ARHGAP44: variants seen among roughly 807,000 people sequenced by gnomAD.
The protein encoded by ARHGAP44 is Rho GTPase activating protein 44.
A neutral mutation model predicts 106.8 loss-of-function variants in ARHGAP44; 43 were observed. The ratio of observed to expected loss-of-function variants is 0.40; its 90% CI spans 0.32 to 0.52. ARHGAP44 has a LOEUF of 0.52. Among genes scored for constraint, ARHGAP44 ranks in the 20% least tolerant of loss-of-function variants. ARHGAP44 has a pLI of 0.48. For missense variants in ARHGAP44, 866 were observed against 1,050.5 expected, an observed-to-expected ratio of 0.82 and a Z score of 2.43; for synonymous variants, 439 against 410.3, an observed-to-expected ratio of 1.07 and a Z score of -0.85.
chr17:12,869,866 T>C (rs578076095), intron 1 of ARHGAP44, among the ~76,000 whole-genome samples: 26 of 152,226 alleles, frequency 1.7e-4, no homozygotes, highest in African/African-American at 6.3e-4. Context: ...TAGCTTTACA[T>C]GTCAAATAAA....
chr17:12,941,065 T>C lies in ARHGAP44; in HGVS notation c.592T>C (p.Ser198Pro). 6.2e-7 allele frequency: 1 copy of C among 1,613,986 alleles called. No homozygotes were observed. The highest frequency in any genetic ancestry group is 8.5e-7 in the Non-Finnish European group (1 of 1,179,852). Residue 198 changes from serine (S) to proline (P), a missense_variant, in exon 8 of 21, where the codon TCA becomes CCA. Transcript: ENST00000379672. ...NRVEICRDQL[S>P]ADMYSFVAKE... Reference sequence around the variant, plus strand: ...ATTTTACCTTGCACAGGACCAGCTCTCAGCTGATATGTACAGTTTTGTGGC... The same window carrying C: ...ATTTTACCTTGCACAGGACCAGCTCCCAGCTGATATGTACAGTTTTGTGGC...
chr17:12,961,517 C>T (rs1309734336), intron 16 of ARHGAP44, among the ~76,000 whole-genome samples: 1 of 152,180 alleles, frequency 6.6e-6, no homozygotes, highest in Non-Finnish European at 1.5e-5. Context: ...GGTGGATCAC[C>T]TGAGCTTGGG....
chr17:12,935,843 A>G (rs2038532493), intron 7 of ARHGAP44, among the ~76,000 whole-genome samples: 1 of 152,202 alleles, frequency 6.6e-6, no homozygotes, highest in Non-Finnish European at 1.5e-5. Context: ...GCAGATGTTG[A>G]AGATAATGGA....
intron 1 of ARHGAP44, among the ~76,000 whole-genome samples, chr17:12,791,588 A>G (rs1040883721): frequency 6.6e-5 from 10 of 152,112 alleles, no homozygotes; most frequent in Admixed American, 5.9e-4. Flanking sequence ...CTGAAACACA[A>G]TTCTTCTTTT....
At chr17:12,866,550 G>A (rs936989386) in intron 1 of ARHGAP44, among the ~76,000 whole-genome samples, 1 of 152,086 alleles carries the variant, frequency 6.6e-6, no homozygotes, top group Non-Finnish European at 1.5e-5. Context: ...ATCTCTGGCC[G>A]GGGCCCTGGA....
At chr17:12,955,836 G>A in intron 13 of ARHGAP44, 31 bp from the exon 14 acceptor site, 1 of 1,468,186 alleles carries the variant, frequency 6.8e-7, no homozygotes, top group Non-Finnish European at 9.5e-7. Flanking sequence ...TTGAGCCTTG[G>A]TTAAACCTGG....
At chr17:12,951,482 C>T (rs2038990864) in intron 12 of ARHGAP44, among the ~76,000 whole-genome samples, 1 of 152,196 alleles carries the variant, frequency 6.6e-6, no homozygotes, top group Non-Finnish European at 1.5e-5. Flanking sequence ...TTGATGGAAA[C>T]TGTCACTCTT....
intron 1 of ARHGAP44, among the ~76,000 whole-genome samples, chr17:12,872,302 G>T (rs1411158688): frequency 1.3e-5 from 2 of 152,074 alleles, no homozygotes; most frequent in East Asian, 3.9e-4. Flanking sequence ...GGAGCCCACT[G>T]AATTCTAATT....
chr17:12,960,339 G>A (rs1420064982), intron 16 of ARHGAP44, among the ~76,000 whole-genome samples: 1 of 152,086 alleles, frequency 6.6e-6, no homozygotes, highest in Non-Finnish European at 1.5e-5. Context: ...AGGCTGAGGT[G>A]GGTGGATCAC....
rs201487249 is a variant in ARHGAP44, at chr17:12,949,669, C to T, written c.994C>T (p.Arg332Ter). The change falls in exon 12 of 21, where the codon CGA (arginine) becomes TGA (stop). Residue 332 changes from arginine (R) to a stop codon, truncating the protein, a stop_gained. Transcript: ENST00000379672. LOFTEE classifies it high-confidence loss of function. The surrounding 1 kb of genome is among the most constrained non-coding windows in gnomAD (Gnocchi z 4.1). ...AIAGALKSYL[R>*]ELPEPLMTFE... ...CCTAGGAGCTTTGAAATCTTACCTC[C>T]GAGAGTTGCCAGAACCTCTTATGAC... The T allele has an allele frequency of 3.1e-6, 5 of 1,613,836 alleles. No individual in the cohort carries two copies. Among genetic ancestry groups the T allele is most frequent in the Non-Finnish European group, 3.4e-6 (4 of 1,179,838 alleles).
chr17:12,983,344 C>CT (rs1406280913), intron 19 of ARHGAP44, among the ~76,000 whole-genome samples: 5 of 151,224 alleles, frequency 3.3e-5, no homozygotes, highest in Admixed American at 3.3e-4. Flanking sequence ...AGTGATCACT[C>CT]TCTCAAGATA....
rs576512471 is a variant in ARHGAP44 at position 12,814,242 on chromosome 17, T to G, written c.53+24351T>G. On this transcript the variant is annotated intron_variant, in intron 1 of 20. Transcript: ENST00000379672. ...GCCACCTCCCAAACTGGTGTTTTTT[T>G]TTTTTTTTTTTTTTTTGAGATGGAG... Among the ~76,000 whole-genome samples the G allele has an allele frequency of 6.9e-5, 10 of 144,336 alleles. No individual in the cohort carries two copies. In the South Asian group the frequency reaches 1.6e-3, roughly 23 times the overall value. The allele number at this position is 144,336 out of a possible 152,430, so 94.7% of individuals were successfully genotyped here.
At chr17:12,926,631 G>A (rs1036947009) in intron 6 of ARHGAP44, among the ~76,000 whole-genome samples, 1 of 149,832 alleles carries the variant, frequency 6.7e-6, no homozygotes, top group Non-Finnish European at 1.5e-5. Flanking sequence ...ACTGACTACA[G>A]GATAAAATCT....
intron 1 of ARHGAP44, among the ~76,000 whole-genome samples, chr17:12,848,600 T>A (rs1033182439): frequency 1.3e-5 from 2 of 152,188 alleles, no homozygotes; most frequent in African/African-American, 4.8e-5. Flanking sequence ...TCTCTGTTAA[T>A]AATTTTATAG....
At chr17:12,968,775 T>C (rs2039454941) in intron 16 of ARHGAP44, among the ~76,000 whole-genome samples, 1 of 145,068 alleles carries the variant, frequency 6.9e-6, no homozygotes, top group East Asian at 1.9e-4. Flanking sequence ...TTCTTTTCTT[T>C]TTTTTTTTTT....
Position 12,933,747 on chromosome 17 carries a change from C to T in ARHGAP44, c.582+4701C>T, listed in dbSNP as rs141352716. The stretch of plus-strand genomic sequence containing the variant: ...CAGCAGTATCAGTTTCATTTTGCTT[C>T]GTACAGGAGACTGGCTGCAGTCTTA... On this transcript the variant is annotated intron_variant, in intron 7 of 20. Transcript: ENST00000379672. Among the ~76,000 whole-genome samples the T allele has an allele frequency of 9.3e-4, 142 of 152,282 alleles. 1 individual carries two copies. Among genetic ancestry groups the T allele is most frequent in the African/African-American group, 3.1e-3 (127 of 41,570 alleles).
At chr17:12,910,446 C>CTTTT (rs3076662) in intron 4 of ARHGAP44, among the ~76,000 whole-genome samples, 2,286 of 93,294 alleles carry the variant, frequency 0.025, 106 homozygotes, top group East Asian at 0.055. Flanking sequence ...CTTATGTAGC[C>CTTTT]TTTTTTTTTT....
At chr17:12,977,013 A>T (rs1057431023) in intron 18 of ARHGAP44, among the ~76,000 whole-genome samples, 1 of 151,400 alleles carries the variant, frequency 6.6e-6, no homozygotes, top group African/African-American at 2.4e-5. Flanking sequence ...TATTTCTAAA[A>T]AGTGCTCCTT....
intron 7 of ARHGAP44, among the ~76,000 whole-genome samples, chr17:12,934,231 C>T (rs1040450400): frequency 3.9e-5 from 6 of 152,108 alleles, no homozygotes; most frequent in African/African-American, 1.4e-4. Flanking sequence ...GTTTGTATCT[C>T]TTCTTTTCCA....
Sources: gnomAD v4.1 joint callset for allele counts (sites outside exome capture counted in the v4.1 genomes callset) on GRCh38, gnomAD v4.1.1 for gene constraint, Gnocchi (gnomAD v3.1) non-coding constraint, MANE v1.5 for transcripts, NCBI Gene and HGNC (gene_info 2026-07-23, HGNC 2026-07-21) for gene names.